Variants in STARD13 observed in about 807,000 individuals in gnomAD.
STARD13 encodes the protein stAR-related lipid transfer protein 13.
A neutral mutation model predicts 106.4 loss-of-function variants in STARD13; 62 were observed. The observed-to-expected ratio is 0.58, with a 90% CI of 0.48 to 0.72. The LOEUF is 0.72. Ranked by LOEUF, STARD13 falls within the 30% of genes least tolerant of loss-of-function variation. The pLI is 0.00. For synonymous variants in STARD13, 565 were observed against 553.0 expected, an observed-to-expected ratio of 1.02 and a Z score of -0.31; for missense variants, 1,387 against 1,424.0, an observed-to-expected ratio of 0.97 and a Z score of 0.42.
chr13:33,307,599 G>T (rs1467918397), intron 1 of STARD13, among the ~76,000 whole-genome samples: 1 of 152,168 alleles, frequency 6.6e-6, no homozygotes, highest in Non-Finnish European at 1.5e-5. Context: ...ATGAGTGGGA[G>T]CTGGACAATG....
At chr13:33,558,246 C>T in the STARD13 span, among the ~76,000 whole-genome samples, 1 of 152,096 alleles carries the variant, frequency 6.6e-6, no homozygotes, top group Non-Finnish European at 1.5e-5. Flanking sequence ...AAGGTACATA[C>T]CTCTCTATGC....
At chr13:33,485,252 C>G in the STARD13 span, among the ~76,000 whole-genome samples, 1 of 152,122 alleles carries the variant, frequency 6.6e-6, no homozygotes, top group Non-Finnish European at 1.5e-5. Context: ...TTCTGAAACT[C>G]AAAGGCATTT....
chr13:33,497,383 C>T, the STARD13 span, among the ~76,000 whole-genome samples: 1 of 152,122 alleles, frequency 6.6e-6, no homozygotes, highest in African/African-American at 2.4e-5. Context: ...TTCATTTCCT[C>T]TATCAGCAAA....
chr13:33,123,172 G>C (rs1412420108), intron 7 of STARD13, among the ~76,000 whole-genome samples: 1 of 151,998 alleles, frequency 6.6e-6, no homozygotes, highest in Non-Finnish European at 1.5e-5. Flanking sequence ...ACAGCCAGCG[G>C]GGGCAGGGAC....
upstream of STARD13, among the ~76,000 whole-genome samples, chr13:33,350,873 G>A (rs181081432): frequency 2.0e-3 from 304 of 152,218 alleles, 1 homozygote; most frequent in African/African-American, 7.2e-3. Flanking sequence ...GAAATCAGGG[G>A]CTGGACCATA....
the STARD13 span, among the ~76,000 whole-genome samples, chr13:33,394,239 A>T: frequency 6.6e-6 from 1 of 152,060 alleles, no homozygotes; most frequent in Non-Finnish European, 1.5e-5. Context: ...TCCCTGGGAT[A>T]ATAGTCCTAT....
chr13:33,188,091 A>G (rs1885938640), intron 1 of STARD13: 1 of 152,294 alleles, frequency 6.6e-6, no homozygotes, highest in Non-Finnish European at 1.5e-5. Context: ...GCCATGGGAA[A>G]GAGCACTGGC....
At chr13:33,490,918 C>T in the STARD13 span, among the ~76,000 whole-genome samples, 11 of 152,196 alleles carry the variant, frequency 7.2e-5, no homozygotes, top group African/African-American at 2.4e-4. Context: ...CCAAAGTGCT[C>T]GCCCTGGCCT....
the STARD13 span, among the ~76,000 whole-genome samples, chr13:33,549,543 C>T: frequency 6.6e-6 from 1 of 152,184 alleles, no homozygotes; most frequent in African/African-American, 2.4e-5. Flanking sequence ...CTTCAATAAG[C>T]CCATCACACA....
the STARD13 span, among the ~76,000 whole-genome samples, chr13:33,643,249 C>T: frequency 1.3e-5 from 2 of 151,942 alleles, no homozygotes; most frequent in African/African-American, 2.4e-5. Context: ...TTCTCTGGTT[C>T]CTCCTGCAGA....
chr13:33,204,477 T>C (rs1887271526), intron 1 of STARD13, among the ~76,000 whole-genome samples: 1 of 152,214 alleles, frequency 6.6e-6, no homozygotes, highest in Non-Finnish European at 1.5e-5. Context: ...TTTCAGTTTC[T>C]GATTTCCCCA....
intron 1 of STARD13, among the ~76,000 whole-genome samples, chr13:33,206,858 A>T (rs1026682074): frequency 9.2e-5 from 14 of 152,194 alleles, no homozygotes; most frequent in Admixed American, 9.2e-4. Flanking sequence ...AACTAAGGCT[A>T]TATGTTGGAA....
the STARD13 span, among the ~76,000 whole-genome samples, chr13:33,532,055 T>C: frequency 6.6e-6 from 1 of 152,150 alleles, no homozygotes; most frequent in African/African-American, 2.4e-5. Context: ...TTAGTCTTAG[T>C]TCTCCTACGA....
chr13:33,202,344 G>T (rs1448403419), intron 1 of STARD13, among the ~76,000 whole-genome samples: 1 of 152,174 alleles, frequency 6.6e-6, no homozygotes, highest in Non-Finnish European at 1.5e-5. Flanking sequence ...TGCCATAAGG[G>T]ACAATTTATT....
chr13:33,376,007 A>G, the STARD13 span, among the ~76,000 whole-genome samples: 27 of 152,300 alleles, frequency 1.8e-4, no homozygotes, highest in African/African-American at 5.8e-4. Context: ...ATTAAGTAAT[A>G]TGGTCAAACC....
chr13:33,663,231 A>G, the STARD13 span, among the ~76,000 whole-genome samples: 1 of 152,184 alleles, frequency 6.6e-6, no homozygotes, highest in Non-Finnish European at 1.5e-5. Flanking sequence ...GATTACAGGC[A>G]TGAGCCACCA....
At chr13:33,211,124 T>C (rs1887692099) in intron 1 of STARD13, among the ~76,000 whole-genome samples, 1 of 151,798 alleles carries the variant, frequency 6.6e-6, no homozygotes, top group East Asian at 1.9e-4. Context: ...CTTCACAAAG[T>C]GAAATCAAAG....
At chr13:33,308,081 C>G (rs1892979127) in intron 1 of STARD13, among the ~76,000 whole-genome samples, 1 of 152,172 alleles carries the variant, frequency 6.6e-6, no homozygotes, top group Non-Finnish European at 1.5e-5. Context: ...CCACGTGGAG[C>G]TTTGTAGTAG....
chr13:33,148,352 A>G (rs916118368), intron 3 of STARD13, among the ~76,000 whole-genome samples: 11 of 152,242 alleles, frequency 7.2e-5, no homozygotes, highest in African/African-American at 2.7e-4. Flanking sequence ...ATTAGCTAAA[A>G]TATATAAAGA....
Sources: allele counts gnomAD v4.1 joint callset (sites outside exome capture counted in the v4.1 genomes callset), GRCh38; gene constraint gnomAD v4.1.1; transcripts MANE v1.5; gene names NCBI Gene and HGNC (gene_info 2026-07-23, HGNC 2026-07-21).